Variants in SHANK2 observed in about 807,000 individuals in gnomAD.
SHANK2 encodes the protein SH3 and multiple ankyrin repeat domains 2.
In SHANK2, 43 loss-of-function variants were observed where a neutral mutation model predicts 133.7. That is an observed-to-expected ratio of 0.32 (90% CI 0.25 to 0.41). The LOEUF (loss-of-function observed/expected upper bound fraction) is 0.41, where lower values mean the gene tolerates loss of function less well. SHANK2 is among the 10% of genes least tolerant of loss of function. The pLI is 1.00. For synonymous variants in SHANK2, 1,017 were observed against 952.8 expected (o/e 1.07, Z -1.24); for missense variants, 1,994 against 2,235.8 (o/e 0.89, Z 2.18).
At chr11:70,586,447 G>A (rs550656868) in intron 17 of SHANK2, among the ~76,000 whole-genome samples, 2 of 152,280 alleles carry the variant, frequency 1.3e-5, no homozygotes, top group East Asian at 3.9e-4. Flanking sequence ...CTTAAGGCGT[G>A]GCCGGGGCTA....
At chr11:70,902,376 T>C (rs1047132190) in intron 10 of SHANK2, among the ~76,000 whole-genome samples, 8 of 152,242 alleles carry the variant, frequency 5.3e-5, no homozygotes, top group Non-Finnish European at 1.2e-4. Context: ...CCAGGGAAGA[T>C]GCAGAGGGCA....
At chr11:70,508,354 A>C (rs1449628695) in intron 17 of SHANK2, among the ~76,000 whole-genome samples, 3 of 152,180 alleles carry the variant, frequency 2.0e-5, no homozygotes, top group Non-Finnish European at 4.4e-5. Context: ...GCTTCCCCTA[A>C]GGCCACCATC....
chr11:70,575,984 C>T (rs1396536082), intron 17 of SHANK2, among the ~76,000 whole-genome samples: 1 of 151,984 alleles, frequency 6.6e-6, no homozygotes, highest in Non-Finnish European at 1.5e-5. Context: ...GACACCTGAG[C>T]ATTGAGAGTC....
At chr11:70,650,070 T>C (rs2061321723) in intron 17 of SHANK2, among the ~76,000 whole-genome samples, 1 of 152,168 alleles carries the variant, frequency 6.6e-6, no homozygotes, top group Non-Finnish European at 1.5e-5. Context: ...ATGATTCCTA[T>C]GGTCATGGAA....
chr11:71,210,248 A>ATATG (rs1954240985), intron 2 of SHANK2, among the ~76,000 whole-genome samples: 4 of 101,292 alleles, frequency 3.9e-5, no homozygotes, highest in African/African-American at 1.6e-4. Context: ...ATATATATAT[A>ATATG]TATATTTATT....
intron 17 of SHANK2, among the ~76,000 whole-genome samples, chr11:70,556,361 C>A (rs1031944363): frequency 4.6e-5 from 7 of 151,640 alleles, no homozygotes; most frequent in African/African-American, 1.7e-4. Context: ...GCAGCCTGAT[C>A]ACATTTATTT....
intron 9 of SHANK2, among the ~76,000 whole-genome samples, chr11:71,065,988 A>G (rs1413194488): frequency 0.027 from 151 of 5,622 alleles, no homozygotes; most frequent in Non-Finnish European, 0.031. Flanking sequence ...GGAAGTTGGG[A>G]GGGGAGTACA....
intron 10 of SHANK2, among the ~76,000 whole-genome samples, chr11:70,945,975 T>C (rs2135866336): frequency 6.7e-6 from 1 of 149,056 alleles, no homozygotes; most frequent in East Asian, 2.0e-4. Flanking sequence ...CTTCCCAGGC[T>C]CTACCTCCCT....
At chr11:70,921,436 T>C (rs1298673073) in intron 10 of SHANK2, among the ~76,000 whole-genome samples, 2 of 152,084 alleles carry the variant, frequency 1.3e-5, no homozygotes, top group South Asian at 2.1e-4. Flanking sequence ...TTTTTAGCAG[T>C]GAAGTAGGGC....
At chr11:70,851,871 C>T (rs925951430) in intron 11 of SHANK2, among the ~76,000 whole-genome samples, 1 of 152,160 alleles carries the variant, frequency 6.6e-6, no homozygotes, top group Non-Finnish European at 1.5e-5. Context: ...ATGCAAAAGT[C>T]AGAGCCTCCC....
At chr11:70,805,932 T>C (rs1948148908) in intron 13 of SHANK2, among the ~76,000 whole-genome samples, 1 of 152,240 alleles carries the variant, frequency 6.6e-6, no homozygotes, top group Non-Finnish European at 1.5e-5. Context: ...TGTTTGATGC[T>C]ATCAAATGAT....
At chr11:70,685,222 C>T (rs1451801249) in intron 15 of SHANK2, among the ~76,000 whole-genome samples, 2 of 152,180 alleles carry the variant, frequency 1.3e-5, no homozygotes, top group African/African-American at 4.8e-5. Context: ...AACCTCCAGT[C>T]TGGGCCCCTC....
chr11:70,694,767 T>C (rs879956635), intron 15 of SHANK2, among the ~76,000 whole-genome samples: 26 of 152,096 alleles, frequency 1.7e-4, no homozygotes, highest in Non-Finnish European at 5.9e-5. Context: ...GTTACAGGGG[T>C]GCACAAGACC....
At chr11:70,540,812 G>A (rs1444102836) in intron 17 of SHANK2, among the ~76,000 whole-genome samples, 1 of 133,698 alleles carries the variant, frequency 7.5e-6, no homozygotes, top group African/African-American at 2.8e-5. Flanking sequence ...TCACGCCACT[G>A]CACTCCAGCC....
intron 17 of SHANK2, among the ~76,000 whole-genome samples, chr11:70,579,707 C>A (rs2060160059): frequency 6.6e-6 from 1 of 152,234 alleles, no homozygotes; most frequent in South Asian, 2.1e-4. Context: ...ATGTCTACGC[C>A]CTAATCCCTG....
chr11:71,113,276 G>A lies in SHANK2; in HGVS notation c.483+17C>T. 1 of 1,550,650 alleles carries A rather than the reference G, an allele frequency of 6.4e-7. No individual in the cohort carries two copies. Among genetic ancestry groups the A allele is most frequent in the Non-Finnish European group, 8.7e-7 (1 of 1,146,056 alleles). The stretch of plus-strand genomic sequence containing the variant: ...CCGCCTGCCTAACGTGTAAATAACA[G>A]CCCGTTCCCTGCATACCTTCGTGTG... On this transcript the variant is annotated intron_variant, in intron 5 of 25. Coordinates refer to ENST00000601538, the MANE Select transcript of SHANK2 (RefSeq NM_012309.5).
chr11:70,696,297 C>G lies in SHANK2; in HGVS notation c.1853+2391G>C, dbSNP rs189358702. ...CTGTTAGCCATGTGTCACACCTTTA[C>G]TACAACACCCTAGCCAGCTTTGCCC... is the stretch of plus-strand genomic sequence containing the variant. On this transcript the variant is annotated intron_variant, in intron 15 of 25. Transcript: ENST00000601538. Among the ~76,000 whole-genome samples, 88 of 152,316 alleles carry G rather than the reference C, an allele frequency of 5.8e-4. 1 individual carries two copies. Among genetic ancestry groups the G allele is most frequent in the Non-Finnish European group, 7.3e-5 (5 of 68,032 alleles).
At chr11:70,774,566 C>T (rs575908466) in intron 14 of SHANK2, among the ~76,000 whole-genome samples, 10 of 152,262 alleles carry the variant, frequency 6.6e-5, no homozygotes, top group Admixed American at 2.0e-4. Context: ...GTGATCCGCC[C>T]GCCTTGGCCT....
chr11:70,472,837 A>C lies in SHANK2; in HGVS notation c.*32T>G, dbSNP rs1555148947. 5 of 1,600,534 alleles carry C rather than the reference A, an allele frequency of 3.1e-6. No homozygotes were observed. In the South Asian group the frequency reaches 4.4e-5, roughly 14 times the overall value. On this transcript the variant is annotated 3_prime_UTR_variant, in exon 26 of 26. Coordinates refer to ENST00000601538, the MANE Select transcript of SHANK2 (RefSeq NM_012309.5). This position sits in a 1 kb window ranked among gnomAD's most constrained non-coding sequence, Gnocchi z 4.4. ...CACGAGCCCATCTCTACTTATAACA[A>C]GAGCAGTCTGCGAGGTGGAGAGCAG... is the stretch of plus-strand genomic sequence containing the variant.
Sources: allele counts gnomAD v4.1 joint callset (sites outside exome capture counted in the v4.1 genomes callset), GRCh38; gene constraint gnomAD v4.1.1; non-coding constraint Gnocchi (gnomAD v3.1); transcripts MANE v1.5; gene names NCBI Gene and HGNC (gene_info 2026-07-23, HGNC 2026-07-21).